FBN2: variants seen among roughly 807,000 people sequenced by gnomAD.
FBN2 encodes fibrillin-2.
Under a neutral mutation model 355.6 loss-of-function variants are expected in FBN2, and 105 were observed. The observed-to-expected ratio is 0.30, with a 90% CI of 0.25 to 0.35. FBN2 has a LOEUF of 0.35. Ranked by LOEUF, FBN2 falls within the 10% of genes least tolerant of loss-of-function variation. FBN2 has a pLI of 1.00. For synonymous variants in FBN2, 1,350 were observed against 1,301.2 expected (o/e 1.04, Z -0.81); for missense variants, 3,280 against 3,758.7 (o/e 0.87, Z 3.33).
At chr5:128,366,147 C>G (rs1644305892) in intron 17 of FBN2, among the ~76,000 whole-genome samples, 1 of 151,910 alleles carries the variant, frequency 6.6e-6, no homozygotes, top group East Asian at 1.9e-4. Context: ...TTGTTAGTGA[C>G]ATTTTTAACA....
intron 5 of FBN2, among the ~76,000 whole-genome samples, chr5:128,514,007 G>A (rs1028278273): frequency 1.4e-5 from 2 of 147,038 alleles, no homozygotes; most frequent in Non-Finnish European, 3.0e-5. Flanking sequence ...CTTCTTAACG[G>A]CCTCACAAGT....
At chr5:128,451,917 T>C (rs4836373) in intron 6 of FBN2, among the ~76,000 whole-genome samples, 84,996 of 152,134 alleles carry the variant, frequency 0.56, 26,446 homozygotes, top group African/African-American at 0.84. Flanking sequence ...GAAAAACAAT[T>C]CAGCATCATA....
At chr5:128,346,041 T>C (rs963727840) in intron 23 of FBN2, among the ~76,000 whole-genome samples, 1 of 152,246 alleles carries the variant, frequency 6.6e-6, no homozygotes, top group Non-Finnish European at 1.5e-5. Context: ...GAAAGTGTTA[T>C]AATATTATTA....
At chr5:128,476,171 G>A (rs1160989632) in intron 5 of FBN2, among the ~76,000 whole-genome samples, 1 of 151,928 alleles carries the variant, frequency 6.6e-6, no homozygotes, top group African/African-American at 2.4e-5. Flanking sequence ...AAAGAAAGGT[G>A]GTGAAAATAG....
rs769985378 is a variant in FBN2 at position 128,305,909 on chromosome 5, T to C, written c.5462A>G (p.Asn1821Ser). Residue 1821 changes from asparagine to serine, a missense_variant, in exon 43 of 65, where the codon AAT becomes AGT. Physicochemically the swap from Asn to Ser is conservative, Grantham distance 46. This residue lies in a region of FBN2 where 2,284 missense variants were observed against 2,749.5 expected (regional missense o/e 0.83). Transcript: ENST00000262464. ...ECKEIPGICA[N>S]GVCINQIGSF... ...GCCAATCTGGTTAATGCACACACCATTTGCACAAATGCCTGGAATCTCTTT... is the reference window on the plus strand; with the variant it reads ...GCCAATCTGGTTAATGCACACACCACTTGCACAAATGCCTGGAATCTCTTT... 1.2e-6 allele frequency: 2 copies of C among 1,613,834 alleles called. No homozygotes were observed. The highest frequency in any genetic ancestry group is 1.7e-6 in the Non-Finnish European group (2 of 1,179,756).
At chr5:128,383,348 C>T (rs1388117171) in intron 11 of FBN2, among the ~76,000 whole-genome samples, 1 of 151,916 alleles carries the variant, frequency 6.6e-6, no homozygotes, top group Non-Finnish European at 1.5e-5. Flanking sequence ...GATCATAGGC[C>T]TAAAGCTAGA....
At chr5:128,455,990 CAAAAAAAAA>C (rs70997371) in intron 6 of FBN2, among the ~76,000 whole-genome samples, 54 of 25,276 alleles carry the variant, frequency 2.1e-3, no homozygotes, top group South Asian at 0.014. Context: ...GGGTTAGCAA[CAAAAAAAAA>C]AAAAAAAAAA....
At chr5:128,487,932 A>T (rs1755382551) in intron 5 of FBN2, among the ~76,000 whole-genome samples, 2 of 152,152 alleles carry the variant, frequency 1.3e-5, no homozygotes, top group South Asian at 2.1e-4. Flanking sequence ...CACAAAAACC[A>T]ATTTCAGATA....
intron 15 of FBN2, chr5:128,370,966 A>C (rs1751917764): frequency 6.6e-6 from 1 of 152,200 alleles, no homozygotes; most frequent in Non-Finnish European, 1.5e-5. Flanking sequence ...CATCTTCCTT[A>C]TTCATTAAAT....
rs772186151 is a variant in FBN2, at chr5:128,286,854, A to C, written c.6881-5T>G. The C allele has an allele frequency of 6.2e-6, 10 of 1,613,726 alleles. No individual in the cohort carries two copies. The Admixed American group carries it at 1.5e-4, about 24-fold the overall frequency. On this transcript the variant is annotated splice_polypyrimidine_tract_variant and splice_region_variant and intron_variant, in intron 54 of 64. Transcript: ENST00000262464. ...CTTCAGCACATTCATCCAGATCTAG[A>C]ACAAAAAATAAAAATTAAAAATTAT...
chr5:128,334,165 A>C (rs1256353235), intron 31 of FBN2, among the ~76,000 whole-genome samples: 1 of 152,142 alleles, frequency 6.6e-6, no homozygotes, highest in Non-Finnish European at 1.5e-5. Flanking sequence ...AAAGTGAGCA[A>C]AGAAGGAAAG....
intron 5 of FBN2, among the ~76,000 whole-genome samples, chr5:128,493,623 T>C (rs1755570253): frequency 6.6e-6 from 1 of 152,162 alleles, no homozygotes; most frequent in Non-Finnish European, 1.5e-5. Context: ...AGGAAATCCA[T>C]GAAAATATTT....
chr5:128,259,774 A>G lies in FBN2; in HGVS notation c.8420T>C (p.Phe2807Ser). The change falls in exon 65 of 65, where the codon TTC becomes TCC. Residue 2807 changes from phenylalanine to serine, a missense_variant. Phe to Ser is a radical substitution (Grantham distance 155). Transcript: ENST00000262464. ...VDMDSPVNMKFNLSHLGSKEH... is the reference protein window; with the variant it reads ...VDMDSPVNMKSNLSHLGSKEH... Reference sequence around the variant, plus strand: ...CTTAGAGCCGAGGTGGGAGAGGTTGAACTTCATGTTGACGGGGCTGTCCAT... The same window carrying G: ...CTTAGAGCCGAGGTGGGAGAGGTTGGACTTCATGTTGACGGGGCTGTCCAT... The G allele has an allele frequency of 6.2e-7, 1 of 1,613,824 alleles. No homozygotes were observed. Among genetic ancestry groups the G allele is most frequent in the Non-Finnish European group, 8.5e-7 (1 of 1,179,964 alleles).
In FBN2 at chr5:128,335,303, T is replaced by C. The variant is rs764761811; in HGVS notation, c.3848-8A>G. On this transcript the variant is annotated splice_polypyrimidine_tract_variant and splice_region_variant and intron_variant, in intron 29 of 64. Transcript: ENST00000262464. Reference sequence around the variant, plus strand: ...TTTCACATTCATCAATGTCTGATGATACAAAATTAGCATCAAATGAAAATA... The same window carrying C: ...TTTCACATTCATCAATGTCTGATGACACAAAATTAGCATCAAATGAAAATA... 6.2e-7 allele frequency: 1 copy of C among 1,614,114 alleles called. No homozygotes were observed. Among genetic ancestry groups the C allele is most frequent in the Admixed American group, 1.7e-5 (1 of 60,022 alleles).
chr5:128,300,835 T>C lies in FBN2; in HGVS notation c.6148A>G (p.Lys2050Glu), dbSNP rs863223611. ...CTCTTACCAATGCAGTTCTCGCTTT[T>C]TACTTCATACCCTGGGGGACAGATG... ...RCICPPGYEV[K>E]SENCIDINEC... The change falls in exon 48 of 65, where the codon AAA (lysine) becomes GAA (glutamate). Residue 2050 changes from lysine (K) to glutamate (E), a missense_variant. Around this residue, in one of 6 missense-constraint regions of FBN2, gnomAD observed 2,284 missense variants for 2,749.5 expected, o/e 0.83. Coordinates refer to ENST00000262464, the MANE Select transcript of FBN2 (RefSeq NM_001999.4). The C allele has an allele frequency of 2.0e-5, 32 of 1,613,932 alleles. No homozygotes were observed. Among genetic ancestry groups the C allele is most frequent in the Non-Finnish European group, 2.6e-5 (31 of 1,179,924 alleles).
Position 128,331,602 on chromosome 5 carries a change from G to A in FBN2, c.4223-907C>T, listed in dbSNP as rs116255922. Reference sequence around the variant, plus strand: ...TTTAAAAGCTTCCTCCTGCTGCTACGTGGAGAATGGATTGCAGGAGGGCCA... The same window carrying A: ...TTTAAAAGCTTCCTCCTGCTGCTACATGGAGAATGGATTGCAGGAGGGCCA... On this transcript the variant is annotated intron_variant, in intron 32 of 64. Transcript: ENST00000262464. Among the ~76,000 whole-genome samples the A allele has an allele frequency of 5.8e-3, 882 of 152,280 alleles. 8 individuals carry two copies. The highest frequency in any genetic ancestry group is 0.02 in the African/African-American group (851 of 41,554).
At chr5:128,283,390 T>C (rs1693803581) in intron 55 of FBN2, among the ~76,000 whole-genome samples, 1 of 152,236 alleles carries the variant, frequency 6.6e-6, no homozygotes, top group African/African-American at 2.4e-5. Context: ...TGAAACCTCC[T>C]GAAGAAGTCA....
chr5:128,468,478 A>T (rs79628036), intron 5 of FBN2, among the ~76,000 whole-genome samples: 26 of 152,326 alleles, frequency 1.7e-4, no homozygotes, highest in Admixed American at 1.1e-3. Context: ...ACAAATATAC[A>T]TTTAACTTTC....
At chr5:128,301,723 A>AT (rs1332563775) in intron 46 of FBN2, among the ~76,000 whole-genome samples, 4 of 152,114 alleles carry the variant, frequency 2.6e-5, no homozygotes, top group Non-Finnish European at 5.9e-5. Flanking sequence ...ATAAAGATAC[A>AT]TTTTTTTCAT....
Sources: allele counts gnomAD v4.1 joint callset (sites outside exome capture counted in the v4.1 genomes callset), GRCh38; gene constraint gnomAD v4.1.1; regional missense constraint gnomAD v4.1.1; transcripts MANE v1.5; gene names NCBI Gene and HGNC (gene_info 2026-07-23, HGNC 2026-07-21).